Variants in BMPR2 observed in about 807,000 individuals in gnomAD.
The protein encoded by BMPR2 is bone morphogenetic protein receptor type-2.
In BMPR2, 29 loss-of-function variants were observed where a neutral mutation model predicts 100.8. The ratio of observed to expected loss-of-function variants is 0.29; its 90% CI spans 0.21 to 0.39. The LOEUF (loss-of-function observed/expected upper bound fraction) is 0.39, where lower values mean the gene tolerates loss of function less well. Ranked by LOEUF, BMPR2 falls within the 10% of genes least tolerant of loss-of-function variation. The pLI is 1.00. For missense variants in BMPR2, 1,011 were observed against 1,274.5 expected (o/e 0.79, Z 3.15); for synonymous variants, 382 against 442.3 (o/e 0.86, Z 1.71).
intron 1 of BMPR2, among the ~76,000 whole-genome samples, chr2:202,396,541 A>G (rs1044880111): frequency 6.6e-6 from 1 of 152,214 alleles, no homozygotes; most frequent in African/African-American, 2.4e-5. Flanking sequence ...TCTTTGGGAC[A>G]TCTAGGCTTA....
chr2:202,481,515 GT>G (rs1178920917), intron 3 of BMPR2, among the ~76,000 whole-genome samples: 1 of 152,026 alleles, frequency 6.6e-6, no homozygotes, highest in Non-Finnish European at 1.5e-5. Context: ...GCTGTTTTGG[GT>G]TCCTTGCATT....
chr2:202,376,475 C>G lies in BMPR2; in HGVS notation c.-1000C>G, dbSNP rs957869805. On this transcript the variant is annotated 5_prime_UTR_variant, in exon 1 of 13. Transcript: ENST00000374580. The stretch of plus-strand genomic sequence containing the variant: ...CCCCCCGCCCTCGGTCCGCGACGCC[C>G]GAGTTCCGTCAGGAGCCCAGAGCTG... Among the ~76,000 whole-genome samples, 8 of 141,002 alleles carry G rather than the reference C, an allele frequency of 5.7e-5. No homozygotes were observed. The highest frequency in any genetic ancestry group is 2.1e-4 in the African/African-American group (8 of 38,162). The allele number at this position is 141,002 out of a possible 152,430, so 92.5% of individuals were successfully genotyped here.
intron 9 of BMPR2, among the ~76,000 whole-genome samples, chr2:202,534,832 G>T (rs1240110542): frequency 6.6e-6 from 1 of 151,576 alleles, no homozygotes; most frequent in East Asian, 2.0e-4. Context: ...TCCCGGACGG[G>T]GCGGCTGGCC....
In BMPR2 at chr2:202,538,283, A is replaced by G. The variant is rs551562037; in HGVS notation, c.1277-4028A>G. 7.3e-5 allele frequency among the ~76,000 whole-genome samples: 11 copies of G among 151,500 alleles called. No homozygotes were observed. In the South Asian group the frequency reaches 1.0e-3, roughly 14 times the overall value. ...AGCCGGGCCAACATGGTGAAAGCCT[A>G]TCTCTACTAAAAATATTTAAAAATC... On this transcript the variant is annotated intron_variant, in intron 9 of 12. Coordinates refer to ENST00000374580, the MANE Select transcript of BMPR2 (RefSeq NM_001204.7).
At chr2:202,475,032 CTT>C (rs1015407890) in intron 3 of BMPR2, 2 of 152,076 alleles carry the variant, frequency 1.3e-5, no homozygotes, top group African/African-American at 4.8e-5. Context: ...TCTTTCCAGT[CTT>C]TTCTCTTTTA....
At chr2:202,557,019 T>C (rs182378479) in intron 12 of BMPR2, among the ~76,000 whole-genome samples, 59 of 150,062 alleles carry the variant, frequency 3.9e-4, no homozygotes, top group African/African-American at 1.4e-3. Context: ...TGAAACTCCA[T>C]CTCAATAATG....
intron 7 of BMPR2, among the ~76,000 whole-genome samples, chr2:202,526,012 T>C (rs1214186423): frequency 6.6e-6 from 1 of 151,780 alleles, no homozygotes; most frequent in Non-Finnish European, 1.5e-5. Context: ...ATTACAGGCA[T>C]GCACCACCAC....
chr2:202,395,135 G>A (rs1690634613), intron 1 of BMPR2, among the ~76,000 whole-genome samples: 1 of 151,792 alleles, frequency 6.6e-6, no homozygotes, highest in African/African-American at 2.4e-5. Flanking sequence ...ACCCGCCTCG[G>A]CCTCCCAAAG....
In BMPR2 at chr2:202,480,893, T is replaced by G. The variant is rs187223570; in HGVS notation, c.418+13204T>G. Among the ~76,000 whole-genome samples the G allele has an allele frequency of 1.1e-4, 15 of 139,454 alleles. No homozygotes were observed. In the East Asian group the frequency reaches 3.2e-3, roughly 30 times the overall value. The allele number at this position is 139,454 out of a possible 152,430, so 91.5% of individuals were successfully genotyped here. ...TGGCATGAATCTGGGAGGTGGAGGTTGCAGTGAGCCGAGATCGTGCCACTG... is the reference window on the plus strand; with the variant it reads ...TGGCATGAATCTGGGAGGTGGAGGTGGCAGTGAGCCGAGATCGTGCCACTG... On this transcript the variant is annotated intron_variant, in intron 3 of 12. Transcript: ENST00000374580.
intron 1 of BMPR2, among the ~76,000 whole-genome samples, chr2:202,457,553 TATATATATAGAGAGAGAGAG>T (rs1336252650): frequency 7.2e-5 from 7 of 97,776 alleles, no homozygotes; most frequent in African/African-American, 2.6e-4. Context: ...TATATATATA[TATATATATAGAGAGAGAGAG>T]AGAGAGAGAG....
chr2:202,437,244 T>C (rs867982724), intron 1 of BMPR2, among the ~76,000 whole-genome samples: 1 of 150,346 alleles, frequency 6.7e-6, no homozygotes, highest in Non-Finnish European at 1.5e-5. Context: ...GACCTCATGA[T>C]CCACCCGCCT....
intron 12 of BMPR2, among the ~76,000 whole-genome samples, chr2:202,558,057 G>A (rs180882389): frequency 3.9e-5 from 6 of 152,082 alleles, no homozygotes; most frequent in Non-Finnish European, 8.8e-5. Flanking sequence ...GGTGGCTCAC[G>A]CCTGTAATCC....
Position 202,565,906 on chromosome 2 carries a change from A to T in BMPR2, c.*5960A>T, listed in dbSNP as rs1688752383. ...ATTTGAAAGTACTTCAGAAGAATTT[A>T]TGCTGTATATTAAAACTAGGCTCAA... On this transcript the variant is annotated 3_prime_UTR_variant, in exon 13 of 13. Transcript: ENST00000374580. 6.6e-6 allele frequency: 1 copy of T among 152,190 alleles called. No homozygotes were observed. 9.4% of individuals were successfully genotyped at this position (152,190 alleles called of 1,614,324 possible).
chr2:202,435,403 ATAT>A (rs1291518333), intron 1 of BMPR2, among the ~76,000 whole-genome samples: 1 of 140,354 alleles, frequency 7.1e-6, no homozygotes, highest in Non-Finnish European at 1.5e-5. Flanking sequence ...ATATATATAT[ATAT>A]ATGTTTTTGT....
At chr2:202,473,175 A>T (rs990522259) in intron 3 of BMPR2, among the ~76,000 whole-genome samples, 3 of 152,246 alleles carry the variant, frequency 2.0e-5, no homozygotes, top group Non-Finnish European at 1.5e-5. Flanking sequence ...ATGGCAGGGC[A>T]CAGTGGCTCA....
intron 1 of BMPR2, among the ~76,000 whole-genome samples, chr2:202,443,193 A>G (rs1243618198): frequency 6.6e-6 from 1 of 150,724 alleles, no homozygotes; most frequent in East Asian, 1.9e-4. Flanking sequence ...CTGCTCAGAT[A>G]GGTTTATACG....
At chr2:202,476,720 C>T (rs996621542) in intron 3 of BMPR2, among the ~76,000 whole-genome samples, 3 of 151,988 alleles carry the variant, frequency 2.0e-5, no homozygotes, top group Admixed American at 1.3e-4. Context: ...ACCCGGGAGG[C>T]GGAAGTTGCA....
At chr2:202,533,562 C>T (rs1688067594) in intron 9 of BMPR2, among the ~76,000 whole-genome samples, 2 of 151,822 alleles carry the variant, frequency 1.3e-5, no homozygotes, top group African/African-American at 2.4e-5. Flanking sequence ...CGGTGGCTTA[C>T]ACCTGTAATC....
chr2:202,528,256 C>T (rs1390223963), intron 7 of BMPR2, among the ~76,000 whole-genome samples: 2 of 152,178 alleles, frequency 1.3e-5, no homozygotes, highest in South Asian at 2.1e-4. Flanking sequence ...GGCGTGATCT[C>T]GGCTCACTGC....
Sources: allele counts gnomAD v4.1 joint callset (sites outside exome capture counted in the v4.1 genomes callset), GRCh38; gene constraint gnomAD v4.1.1; transcripts MANE v1.5; gene names NCBI Gene and HGNC (gene_info 2026-07-23, HGNC 2026-07-21).